The following TPGS1 variants were observed in gnomAD, a reference collection of about 807,000 sequenced individuals.
The protein encoded by TPGS1 is tubulin polyglutamylase complex subunit 1, also known as gene trap ROSA b-geo 22.
A neutral mutation model predicts 11.9 loss-of-function variants in TPGS1; 18 were observed. The observed-to-expected ratio is 1.51, with a 90% CI of 1.04 to 2.24. The LOEUF (loss-of-function observed/expected upper bound fraction) is 2.24. TPGS1 is among the 30% of genes most tolerant of loss of function. TPGS1 has a pLI of 0.00. For synonymous variants in TPGS1, 247 were observed against 218.2 expected, an observed-to-expected ratio of 1.13 and a Z score of -1.16; for missense variants, 500 against 443.0, an observed-to-expected ratio of 1.13 and a Z score of -1.16.
rs571641122 is a variant in TPGS1 at position 512,631 on chromosome 19, GGGGTGGAGAAGTGGC to G, written c.338+4805_338+4819del. Among the ~76,000 whole-genome samples the G allele has an allele frequency of 3.8e-3, 575 of 152,396 alleles. 1 individual carries two copies. The highest frequency in any genetic ancestry group is 0.013 in the African/African-American group (541 of 41,594). On this transcript the variant is annotated intron_variant, in intron 1 of 1. Transcript: ENST00000359315. The stretch of plus-strand genomic sequence containing the variant: ...CAAGGCCCAGAGGCTCACCCTCGGC[GGGGTGGAGAAGTGGC>G]GGGTGGAGAAGTGGCGGAGGGATCC...
chr19:512,643 T>C (rs1247396346), intron 1 of TPGS1, among the ~76,000 whole-genome samples: 1 of 151,014 alleles, frequency 6.6e-6, no homozygotes, highest in African/African-American at 2.5e-5. Context: ...GGTGGAGAAG[T>C]GGCGGGTGGA....
chr19:512,980 G>C (rs947374630), intron 1 of TPGS1, among the ~76,000 whole-genome samples: 2 of 152,184 alleles, frequency 1.3e-5, no homozygotes, highest in Non-Finnish European at 2.9e-5. Context: ...GCCTCGCGTC[G>C]AGCCCCGGGG....
chr19:507,528 C>G lies in TPGS1; in HGVS notation c.22C>G (p.Arg8Gly). 1 of 1,421,546 alleles carries G rather than the reference C, an allele frequency of 7.0e-7. No individual in the cohort carries two copies. Among genetic ancestry groups the G allele is most frequent in the South Asian group, 1.5e-5 (1 of 66,952 alleles). The allele number at this position is 1,421,546 out of a possible 1,614,324, so 88.1% of individuals were successfully genotyped here. The change falls in exon 1 of 2, where the codon CGG becomes GGG. Residue 8 changes from arginine (R) to glycine (G), a missense_variant. By Grantham distance (125) the Arg-to-Gly change is moderately radical. Coordinates refer to ENST00000359315, the MANE Select transcript of TPGS1 (RefSeq NM_033513.3). Reference sequence around the variant, plus strand: ...GAAGATGGCGGCAGTGGAGAAGCGGCGGCAAGCGGTACCACCGCCGGCCGG... The same window carrying G: ...GAAGATGGCGGCAGTGGAGAAGCGGGGGCAAGCGGTACCACCGCCGGCCGG... Reference protein sequence around the residue: MAAVEKRRQAVPPPAGFT... With the variant: MAAVEKRGQAVPPPAGFT...
chr19:513,101 T>G (rs1451247553), intron 1 of TPGS1, among the ~76,000 whole-genome samples: 2 of 151,168 alleles, frequency 1.3e-5, no homozygotes, highest in East Asian at 3.9e-4. Flanking sequence ...GGCCTCTAGG[T>G]TTGGGGTGTG....
At chr19:513,990 A>G (rs1978881608) in intron 1 of TPGS1, among the ~76,000 whole-genome samples, 2 of 150,670 alleles carry the variant, frequency 1.3e-5, no homozygotes, top group African/African-American at 4.9e-5. Flanking sequence ...CTGAGCACCT[A>G]TTGCATGCTG....
intron 1 of TPGS1, among the ~76,000 whole-genome samples, chr19:516,424 G>A (rs573263091): frequency 2.7e-5 from 4 of 147,010 alleles, no homozygotes; most frequent in South Asian, 2.1e-4. Context: ...TCGCTCTGTC[G>A]CCCAGGCTGG....
intron 1 of TPGS1, 26 bp from the exon 2 acceptor site, chr19:518,863 G>A (rs1979053051): frequency 2.0e-6 from 3 of 1,485,710 alleles, no homozygotes; most frequent in Non-Finnish European, 2.7e-6. Context: ...GGTCTCTGCC[G>A]GCCCCCAACG....
At chr19:512,861 C>A (rs973325183) in intron 1 of TPGS1, among the ~76,000 whole-genome samples, 9 of 152,350 alleles carry the variant, frequency 5.9e-5, no homozygotes, top group African/African-American at 2.2e-4. Context: ...GGGTGGGTTG[C>A]TGGCTCGGCT....
At chr19:512,918 A>T (rs534437569) in intron 1 of TPGS1, among the ~76,000 whole-genome samples, 1 of 152,176 alleles carries the variant, frequency 6.6e-6, no homozygotes, top group East Asian at 1.9e-4. Context: ...CCCAGGGAGC[A>T]CCTGCAGCCG....
chr19:519,167 A>G lies in TPGS1; in HGVS notation c.617A>G (p.Glu206Gly). ...ARAGALFQLL[E>G]DSAAAVADRR... Reference sequence around the variant, plus strand: ...GCCGGCGCGCTCTTCCAGCTGCTGGAGGACTCGGCCGCCGCCGTGGCCGAC... The same window carrying G: ...GCCGGCGCGCTCTTCCAGCTGCTGGGGGACTCGGCCGCCGCCGTGGCCGAC... The change falls in exon 2 of 2, where the codon GAG becomes GGG. Residue 206 changes from glutamate to glycine, a missense_variant. Physicochemically the swap from Glu to Gly is moderately conservative, Grantham distance 98 (BLOSUM62 -2). Coordinates refer to ENST00000359315, the MANE Select transcript of TPGS1 (RefSeq NM_033513.3). The G allele has an allele frequency of 6.7e-7, 1 of 1,501,612 alleles. No individual in the cohort carries two copies. Among genetic ancestry groups the G allele is most frequent in the Non-Finnish European group, 8.8e-7 (1 of 1,133,034 alleles). The allele number at this position is 1,501,612 out of a possible 1,614,324, so 93.0% of individuals were successfully genotyped here.
intron 1 of TPGS1, 137 bp from the exon 2 acceptor site, chr19:518,752 T>TG (rs1208253927): frequency 2.7e-6 from 2 of 733,786 alleles, no homozygotes; most frequent in South Asian, 5.4e-5. Flanking sequence ...AGGCCGGGGA[T>TG]GGGGGGTAGG....
intron 1 of TPGS1, among the ~76,000 whole-genome samples, chr19:515,809 G>A (rs1005473386): frequency 1.2e-4 from 18 of 152,110 alleles, no homozygotes; most frequent in African/African-American, 4.1e-4. Context: ...GAGGCGGGTG[G>A]ATCACGAGGT....
intron 1 of TPGS1, 80 bp from the exon 2 acceptor site, chr19:518,809 C>A: frequency 7.3e-7 from 1 of 1,367,564 alleles, no homozygotes. Context: ...GAGGCTAGGG[C>A]ATAGGCCTGG....
chr19:508,865 AC>A (rs931975322), intron 1 of TPGS1: 1 of 152,380 alleles, frequency 6.6e-6, no homozygotes, highest in Admixed American at 6.5e-5. Flanking sequence ...GGTGTTGGGT[AC>A]CTGGACAAGG....
intron 1 of TPGS1, 63 bp from the exon 2 acceptor site, chr19:518,826 G>C: frequency 6.9e-7 from 1 of 1,439,668 alleles, no homozygotes; most frequent in Non-Finnish European, 9.1e-7. Context: ...CTGGCGAGGA[G>C]GGGAGGCTGG....
intron 1 of TPGS1, chr19:509,363 A>C (rs1224435424): frequency 6.6e-6 from 1 of 152,242 alleles, no homozygotes; most frequent in East Asian, 1.9e-4. Context: ...CAAGCCACTC[A>C]CCCCGTAGAC....
Position 507,989 on chromosome 19 carries a change from T to A in TPGS1, c.338+145T>A, listed in dbSNP as rs1317392676. ...GTGCGCGATGCCTTCTTGGGTGGGA[T>A]GGATCGGACAAGGTGGGCTGGAGGG... On this transcript the variant is annotated intron_variant, in intron 1 of 1. Transcript: ENST00000359315. 3 of 602,676 alleles carry A rather than the reference T, an allele frequency of 5.0e-6. No homozygotes were observed. The African/African-American group carries it at 5.8e-5, about 12-fold the overall frequency. 37.3% of individuals were successfully genotyped at this position (602,676 alleles called of 1,614,324 possible). A position where few individuals can be genotyped will look rare whatever the true frequency, so the allele number is the denominator to read the frequency against.
chr19:518,753 G>A (rs1486473015), intron 1 of TPGS1, 136 bp from the exon 2 acceptor site: 1 of 919,294 alleles, frequency 1.1e-6, no homozygotes, highest in African/African-American at 1.9e-5. Flanking sequence ...GGCCGGGGAT[G>A]GGGGGTAGGA....
rs1203198235 is a variant in TPGS1 at position 507,552 on chromosome 19, G to A, written c.46G>A (p.Gly16Ser). 3 of 1,418,686 alleles carry A rather than the reference G, an allele frequency of 2.1e-6. No homozygotes were observed. The highest frequency in any genetic ancestry group is 3.1e-5 in the Admixed American group (1 of 32,224). 87.9% of individuals were successfully genotyped at this position (1,418,686 alleles called of 1,614,324 possible). A position where few individuals can be genotyped will look rare whatever the true frequency, so the allele number is the denominator to read the frequency against. The stretch of plus-strand genomic sequence containing the variant: ...GCGGCAAGCGGTACCACCGCCGGCC[G>A]GTTTCACGGACAGCGGCCGCCAGTC... ...KRRQAVPPPA[G>S]FTDSGRQSVS... is the part of the protein sequence containing the mutation. Residue 16 changes from glycine to serine, a missense_variant, in exon 1 of 2, where the codon GGT (glycine) becomes AGT (serine). Transcript: ENST00000359315.
Sources: gnomAD v4.1 joint callset for allele counts (sites outside exome capture counted in the v4.1 genomes callset) on GRCh38, gnomAD v4.1.1 for gene constraint, MANE v1.5 for transcripts, NCBI Gene and HGNC (gene_info 2026-07-23, HGNC 2026-07-21) for gene names.